The following MAGI1 variants were observed in gnomAD, a reference collection of about 807,000 sequenced individuals.
MAGI1 encodes membrane associated guanylate kinase, WW and PDZ domain containing 1, also known as membrane-associated guanylate kinase, WW and PDZ domain-containing protein 1.
A neutral mutation model predicts 139.9 loss-of-function variants in MAGI1; 58 were observed. The ratio of observed to expected loss-of-function variants is 0.41; its 90% CI spans 0.34 to 0.52. MAGI1 has a LOEUF of 0.52. Among genes scored for constraint, MAGI1 ranks in the 20% least tolerant of loss-of-function variants. The pLI is 0.12. For missense variants in MAGI1, 1,874 were observed against 1,901.6 expected, an observed-to-expected ratio of 0.99 and a Z score of 0.27; for synonymous variants, 812 against 737.9, an observed-to-expected ratio of 1.10 and a Z score of -1.63.
intron 1 of MAGI1, among the ~76,000 whole-genome samples, chr3:65,729,128 G>GCT: frequency 1.2e-5 from 1 of 80,840 alleles, no homozygotes; most frequent in East Asian, 3.0e-4. Context: ...AACGGGGGGG[G>GCT]GGGGGGGGAT....
At chr3:65,767,440 A>C (rs2037579702) in intron 1 of MAGI1, among the ~76,000 whole-genome samples, 1 of 152,132 alleles carries the variant, frequency 6.6e-6, no homozygotes, top group Admixed American at 6.5e-5. Flanking sequence ...TCTCGTTTCT[A>C]CTAAAAACAC....
chr3:65,980,528 G>A (rs1237597044), intron 1 of MAGI1, among the ~76,000 whole-genome samples: 1 of 145,686 alleles, frequency 6.9e-6, no homozygotes, highest in African/African-American at 2.5e-5. Flanking sequence ...GCCCTACTGT[G>A]TACTCCAGCC....
rs879758953 is a variant in MAGI1 at position 66,027,291 on chromosome 3, A to C, written c.313+10705T>G. On this transcript the variant is annotated intron_variant, in intron 1 of 22. Coordinates refer to ENST00000402939, the MANE Select transcript of MAGI1 (RefSeq NM_001033057.2). The stretch of plus-strand genomic sequence containing the variant: ...AAATAAATAAATAAATAAATAAATA[A>C]ATAAATAAATAAATAAATAAATAAT... 9.0e-3 allele frequency among the ~76,000 whole-genome samples: 297 copies of C among 32,972 alleles called. 3 individuals are homozygous for C. Among genetic ancestry groups the C allele is most frequent in the Admixed American group, 0.068 (152 of 2,222 alleles). The allele number at this position is 32,972 out of a possible 152,430, so 21.6% of individuals were successfully genotyped here. A position where few individuals can be genotyped will look rare whatever the true frequency, so the allele number is the denominator to read the frequency against.
chr3:66,028,059 C>A (rs369722562), intron 1 of MAGI1, among the ~76,000 whole-genome samples: 8 of 152,320 alleles, frequency 5.3e-5, no homozygotes, highest in African/African-American at 1.9e-4. Flanking sequence ...AATCCCAGCA[C>A]TTTGGGAGGC....
rs531394638 is a variant in MAGI1, at chr3:65,461,633, C to T, written c.960-8293G>A. 7.2e-3 allele frequency among the ~76,000 whole-genome samples: 1,090 copies of T among 151,892 alleles called. 6 individuals are homozygous for T. The highest frequency in any genetic ancestry group is 0.048 in the Middle Eastern group (14 of 294). On this transcript the variant is annotated intron_variant, in intron 5 of 22. Transcript: ENST00000402939. ...CCTCCCGAGTAGCTGGGACTACAGG[C>T]GCCCGCCACCACGCCTGGCTAATTT...
chr3:65,902,072 A>G (rs1157045665), intron 1 of MAGI1, among the ~76,000 whole-genome samples: 2 of 152,350 alleles, frequency 1.3e-5, no homozygotes, highest in Middle Eastern at 3.4e-3. Flanking sequence ...GTTCTCTGAT[A>G]TGGATTAATG....
chr3:66,015,478 C>G (rs931583377), intron 1 of MAGI1, among the ~76,000 whole-genome samples: 3 of 151,952 alleles, frequency 2.0e-5, no homozygotes, highest in Non-Finnish European at 4.4e-5. Flanking sequence ...AAAATCTTAA[C>G]TCCTCTGTGC....
intron 2 of MAGI1, among the ~76,000 whole-genome samples, chr3:65,496,714 T>G (rs1034365003): frequency 1.3e-5 from 2 of 152,164 alleles, no homozygotes; most frequent in Non-Finnish European, 2.9e-5. Flanking sequence ...AGCTAATGCA[T>G]GTGGGGCTTA....
intron 1 of MAGI1, among the ~76,000 whole-genome samples, chr3:65,772,675 G>C (rs913617342): frequency 4.6e-5 from 7 of 152,208 alleles, no homozygotes; most frequent in African/African-American, 1.7e-4. Context: ...GACAGCATAA[G>C]GATAAGCTTC....
intron 1 of MAGI1, among the ~76,000 whole-genome samples, chr3:65,780,958 G>A (rs994612506): frequency 6.6e-6 from 1 of 152,126 alleles, no homozygotes; most frequent in African/African-American, 2.4e-5. Flanking sequence ...GGTGGCTCAC[G>A]CCTATAATCC....
Position 66,038,624 on chromosome 3 carries a change from A to ATTT in MAGI1, c.-319_-317dup. 1 of 316,270 alleles carries ATTT rather than the reference A, an allele frequency of 3.2e-6. No individual in the cohort carries two copies. Among genetic ancestry groups the ATTT allele is most frequent in the Non-Finnish European group, 5.7e-6 (1 of 174,500 alleles). The allele number at this position is 316,270 out of a possible 1,614,324, so 19.6% of individuals were successfully genotyped here. A position where few individuals can be genotyped will look rare whatever the true frequency, so the allele number is the denominator to read the frequency against. ...GAGTCCACTCTGCGCCGCTCGGGTT[A>ATTT]TTTTTTTTTCCTTCCTTCCTTTCTC... is the stretch of plus-strand genomic sequence containing the variant. On this transcript the variant is annotated 5_prime_UTR_variant, in exon 1 of 23. Coordinates refer to ENST00000402939, the MANE Select transcript of MAGI1 (RefSeq NM_001033057.2).
At chr3:65,400,320 G>A (rs1412816124) in intron 13 of MAGI1, among the ~76,000 whole-genome samples, 1 of 152,180 alleles carries the variant, frequency 6.6e-6, no homozygotes, top group East Asian at 1.9e-4. Flanking sequence ...GAACTTAGGA[G>A]TGAGGTTTAA....
At chr3:65,817,635 G>A (rs12635127) in intron 1 of MAGI1, among the ~76,000 whole-genome samples, 74,837 of 151,758 alleles carry the variant, frequency 0.49, 19,371 homozygotes, top group East Asian at 0.75. Context: ...TGTTAGAAAA[G>A]AAAGAGGGAG....
At chr3:65,616,442 A>G (rs1362514449) in intron 2 of MAGI1, among the ~76,000 whole-genome samples, 5 of 152,238 alleles carry the variant, frequency 3.3e-5, no homozygotes, top group Non-Finnish European at 7.3e-5. Flanking sequence ...TAAGAGTTGT[A>G]CTTTAGATGA....
At chr3:65,546,539 TGAAA>T (rs557569182) in intron 2 of MAGI1, among the ~76,000 whole-genome samples, 95 of 152,358 alleles carry the variant, frequency 6.2e-4, no homozygotes, top group Admixed American at 1.2e-3. Flanking sequence ...GGTTGTATTT[TGAAA>T]ATGCCTCATT....
intron 16 of MAGI1, 41 bp downstream of exon 16, chr3:65,381,836 A>C: frequency 6.6e-7 from 1 of 1,517,524 alleles, no homozygotes; most frequent in Non-Finnish European, 8.9e-7. Flanking sequence ...CTGTGAATAA[A>C]GTGACAACGC....
At chr3:65,850,314 T>C (rs761803556) in intron 1 of MAGI1, among the ~76,000 whole-genome samples, 39 of 152,234 alleles carry the variant, frequency 2.6e-4, no homozygotes, top group Non-Finnish European at 3.7e-4. Context: ...ACTTTTAGTA[T>C]GGAAAAACCT....
At chr3:65,884,320 G>C (rs1367699991) in intron 1 of MAGI1, among the ~76,000 whole-genome samples, 1 of 152,224 alleles carries the variant, frequency 6.6e-6, no homozygotes, top group Non-Finnish European at 1.5e-5. Flanking sequence ...AGGTATCCAA[G>C]TGCAGACTCA....
At chr3:65,635,049 G>T (rs1186711326) in intron 1 of MAGI1, among the ~76,000 whole-genome samples, 1 of 151,848 alleles carries the variant, frequency 6.6e-6, no homozygotes, top group Admixed American at 6.6e-5. Flanking sequence ...CACTAGCGTG[G>T]GTTTGGAAAC....
Sources: allele counts gnomAD v4.1 joint callset (sites outside exome capture counted in the v4.1 genomes callset), GRCh38; gene constraint gnomAD v4.1.1; transcripts MANE v1.5; gene names NCBI Gene and HGNC (gene_info 2026-07-23, HGNC 2026-07-21).